Variants in PHLDA1 observed in about 807,000 individuals in gnomAD.
PHLDA1 encodes the protein pleckstrin homology-like domain family A member 1.
A neutral mutation model predicts 33.8 loss-of-function variants in PHLDA1; 28 were observed. That is an observed-to-expected ratio of 0.83 (90% confidence interval 0.61 to 1.14). The LOEUF is 1.14. Ranked by LOEUF, PHLDA1 falls within the 50% of genes most tolerant of loss-of-function variation. The pLI is 0.00. For missense variants in PHLDA1, 595 were observed against 548.6 expected, an observed-to-expected ratio of 1.08 and a Z score of -0.84; for synonymous variants, 271 against 243.6, an observed-to-expected ratio of 1.11 and a Z score of -1.05.
rs753441678 is a variant in PHLDA1 at position 76,031,340 on chromosome 12, G to C, written c.402C>G (p.Gly134=). 2 of 1,612,148 alleles carry C rather than the reference G, an allele frequency of 1.2e-6. No individual in the cohort carries two copies. The highest frequency in any genetic ancestry group is 4.5e-5 in the East Asian group (2 of 44,828). Residue 134 remains glycine, a synonymous_variant, in exon 1 of 2, where the codon GGC becomes GGG. Coordinates refer to ENST00000266671, the Ensembl canonical transcript of PHLDA1. The surrounding 1 kb of genome is among the most constrained non-coding windows in gnomAD (Gnocchi z 5.4). ...GCATCCTCCCAGCATAAGAGGGGCC[G>C]CCGCTTGGCTCGGCCTCTCCGTTTC...
At chr12:76,029,732 A>G (rs1870849678) in exon 2 of PHLDA1, 1 of 152,652 alleles carries the variant, frequency 6.6e-6, no homozygotes, top group Non-Finnish European at 1.5e-5. Flanking sequence ...TTGAAAATAA[A>G]GTTTCCTTTT....
intron 1 of PHLDA1, 106 bp from the exon 2 acceptor site, chr12:76,030,198 T>G (rs1007281178): frequency 8.9e-5 from 34 of 383,540 alleles, no homozygotes; most frequent in Non-Finnish European, 1.4e-4. Flanking sequence ...GACACCGTGG[T>G]GTTTCCCTCA....
chr12:76,030,633 G>C, exon 1 of PHLDA1: 1 of 1,504,410 alleles, frequency 6.6e-7, no homozygotes, highest in East Asian at 2.3e-5. Flanking sequence ...ATGCGGGTGC[G>C]GGTGAGGGTG....
At chr12:76,030,580 G>T in exon 1 of PHLDA1, 1 of 1,613,842 alleles carries the variant, frequency 6.2e-7, no homozygotes, top group African/African-American at 1.3e-5. Flanking sequence ...TGCCCGTGCG[G>T]CTGCGAGTGC....
intron 1 of PHLDA1, among the ~76,000 whole-genome samples, 195 bp from the exon 2 acceptor site, chr12:76,030,287 C>T (rs543752770): frequency 1.3e-5 from 2 of 152,292 alleles, no homozygotes; most frequent in East Asian, 3.9e-4. Flanking sequence ...CGGGCGCGGG[C>T]GCGGTCCGCG....
rs1323481859 is a variant in PHLDA1 at position 76,031,463 on chromosome 12, A to C, written c.279T>G (p.Arg93=). 2 of 1,537,454 alleles carry C rather than the reference A, an allele frequency of 1.3e-6. No individual in the cohort carries two copies. Among genetic ancestry groups the C allele is most frequent in the South Asian group, 2.4e-5 (2 of 82,308 alleles). ...CCCGGAGCGCGCAGAGGAGGCTAAC[A>C]CGCAGGAGGCAGAGCGGCGGCGGCG... The change falls in exon 1 of 2, where the codon CGT becomes CGG. Residue 93 remains arginine, a synonymous_variant. Coordinates refer to ENST00000266671, the Ensembl canonical transcript of PHLDA1. This position sits in a 1 kb window ranked among gnomAD's most constrained non-coding sequence, Gnocchi z 5.4.
At chr12:76,030,678 T>C in exon 1 of PHLDA1, 2 of 1,201,304 alleles carry the variant, frequency 1.7e-6, no homozygotes, top group Non-Finnish European at 1.2e-6. Flanking sequence ...TGGATGTGGA[T>C]GTGGATGCGG....
chr12:76,026,551 CA>C (rs1228320092), exon 2 of PHLDA1: 2 of 152,082 alleles, frequency 1.3e-5, no homozygotes. Flanking sequence ...GACTTCCTAA[CA>C]GTGTTTACAT....
exon 1 of PHLDA1, chr12:76,030,998 C>T (rs377721522): frequency 6.8e-5 from 109 of 1,613,690 alleles, no homozygotes; most frequent in Non-Finnish European, 8.6e-5. Context: ...AGTACATGTA[C>T]TTGCCCTTGC....
chr12:76,029,280 C>G (rs1368628052), exon 2 of PHLDA1: 1 of 152,216 alleles, frequency 6.6e-6, no homozygotes, highest in Non-Finnish European at 1.5e-5. Context: ...ACAAATCAGT[C>G]AAAAGGCCTC....
exon 1 of PHLDA1, chr12:76,030,692 C>T (rs1592589615): frequency 3.5e-6 from 4 of 1,158,710 alleles, no homozygotes; most frequent in Non-Finnish European, 5.1e-6. Context: ...GATGCGGATA[C>T]GGGTGGAGCT....
chr12:76,031,136 TTGC>T lies in PHLDA1; in HGVS notation c.603_605del (p.Gln204del). On this transcript the variant is annotated inframe_deletion, in exon 1 of 2. Coordinates refer to ENST00000266671, the Ensembl canonical transcript of PHLDA1. This position sits in a 1 kb window ranked among gnomAD's most constrained non-coding sequence, Gnocchi z 5.4. ...CGGCCGGCCCCTGCCCGGGCTGTTG[TTGC>T]TGCTGCTGCTGCTGCTGTTGCTGCT... The T allele has an allele frequency of 6.4e-7, 1 of 1,553,286 alleles. No homozygotes were observed. The highest frequency in any genetic ancestry group is 8.6e-7 in the Non-Finnish European group (1 of 1,159,312).
In PHLDA1 at chr12:76,030,648, TGC is replaced by T; in HGVS notation, c.1092_1093del (p.His365ProfsTer51). ...ATGCGGGTGCGGGTGAGGGTGTGGG[TGC>T]GAGTGAGGATGAGAGTGTGGATGTG... is the stretch of plus-strand genomic sequence containing the variant. On this transcript the variant is annotated frameshift_variant, in exon 1 of 2. Coordinates refer to ENST00000266671, the Ensembl canonical transcript of PHLDA1. LOFTEE classifies it high-confidence loss of function. 3.6e-6 allele frequency: 5 copies of T among 1,400,776 alleles called. No individual in the cohort carries two copies. Among genetic ancestry groups the T allele is most frequent in the Non-Finnish European group, 5.0e-6 (5 of 992,510 alleles). 86.8% of individuals were successfully genotyped at this position (1,400,776 alleles called of 1,614,324 possible).
intron 1 of PHLDA1, 128 bp downstream of exon 1, chr12:76,030,382 G>GC: frequency 4.3e-6 from 3 of 699,404 alleles, no homozygotes; most frequent in Middle Eastern, 3.6e-4. Flanking sequence ...TTCTTCCATT[G>GC]CCCCAGAAAC....
intron 1 of PHLDA1, 63 bp from the exon 2 acceptor site, chr12:76,030,155 G>C (rs184157165): frequency 1.7e-4 from 50 of 295,010 alleles, no homozygotes; most frequent in Non-Finnish European, 2.8e-4. Context: ...AGTTCTGTTC[G>C]GGCCAGTCCG....
In PHLDA1 at chr12:76,031,500, C is replaced by T. The variant is rs760506536; in HGVS notation, c.242G>A (p.Arg81Gln). 4 of 1,520,078 alleles carry T rather than the reference C, an allele frequency of 2.6e-6. No homozygotes were observed. Among genetic ancestry groups the T allele is most frequent in the Non-Finnish European group, 3.5e-6 (4 of 1,136,636 alleles). 94.2% of individuals were successfully genotyped at this position (1,520,078 alleles called of 1,614,324 possible). A position where few individuals can be genotyped will look rare whatever the true frequency, so the allele number is the denominator to read the frequency against. ...GAGCGGCGGCGGCGGCTCTGGGTCC[C>T]GGCAGAGGGACAGCCGCGTCCTGAT... Residue 81 changes from arginine (R) to glutamine (Q), a missense_variant, in exon 1 of 2, where the codon CGG becomes CAG. This residue lies in a region of PHLDA1 where 263 missense variants were observed against 232.3 expected (regional missense o/e 1.13). Transcript: ENST00000266671. The surrounding 1 kb of genome is among the most constrained non-coding windows in gnomAD (Gnocchi z 5.4).
At position 76,031,256 on chromosome 12, in the gene PHLDA1, C is replaced by T; in HGVS notation, c.486G>A (p.Gly162=). ...ACTTTTTCTTCCAGAGCTGCAACAA[C>T]CCGTCGCTGCGCTTCTCCAGCACGC... Residue 162 remains glycine, a synonymous_variant, in exon 1 of 2, where the codon GGG becomes GGA. Transcript: ENST00000266671. This position sits in a 1 kb window ranked among gnomAD's most constrained non-coding sequence, Gnocchi z 5.4. The T allele has an allele frequency of 6.2e-7, 1 of 1,613,898 alleles. No homozygotes were observed.
chr12:76,031,643 C>A lies in PHLDA1; in HGVS notation c.99G>T (p.Gly33=), dbSNP rs759912765. Reference sequence around the variant, plus strand: ...GCTTTTGAATGGGCCATCTTCCCCACCCCCGAGTGACACCCAGCGGAAAAG... The same window carrying A: ...GCTTTTGAATGGGCCATCTTCCCCAACCCCGAGTGACACCCAGCGGAAAAG... The change falls in exon 1 of 2, where the codon GGG becomes GGT. Residue 33 remains glycine, a synonymous_variant. Coordinates refer to ENST00000266671, the Ensembl canonical transcript of PHLDA1. This position sits in a 1 kb window ranked among gnomAD's most constrained non-coding sequence, Gnocchi z 5.4. 5.2e-6 allele frequency: 8 copies of A among 1,545,946 alleles called. No individual in the cohort carries two copies. The Admixed American group carries it at 7.7e-5, about 15-fold the overall frequency.
Position 76,031,616 on chromosome 12 carries a change from G to A in PHLDA1, c.126C>T (p.Arg42=). Reference sequence around the variant, plus strand: ...AGGGCACTGGCCGGGCCCCCTCGCGGCGCTTTTGAATGGGCCATCTTCCCC... The same window carrying A: ...AGGGCACTGGCCGGGCCCCCTCGCGACGCTTTTGAATGGGCCATCTTCCCC... Residue 42 remains arginine (R), a synonymous_variant, in exon 1 of 2, where the codon CGC becomes CGT. Coordinates refer to ENST00000266671, the Ensembl canonical transcript of PHLDA1. The surrounding 1 kb of genome is among the most constrained non-coding windows in gnomAD (Gnocchi z 5.4). The A allele has an allele frequency of 6.4e-7, 1 of 1,571,010 alleles. No individual in the cohort carries two copies. Among genetic ancestry groups the A allele is most frequent in the African/African-American group, 1.4e-5 (1 of 71,352 alleles).
Sources: allele counts gnomAD v4.1 joint callset (sites outside exome capture counted in the v4.1 genomes callset), GRCh38; gene constraint gnomAD v4.1.1; regional missense constraint gnomAD v4.1.1; non-coding constraint Gnocchi (gnomAD v3.1); transcripts MANE v1.5; gene names NCBI Gene and HGNC (gene_info 2026-07-23, HGNC 2026-07-21).